PRUNE2: variants seen among roughly 807,000 people sequenced by gnomAD.
The protein encoded by PRUNE2 is protein prune homolog 2.
Under a neutral mutation model 252.0 loss-of-function variants are expected in PRUNE2, and 164 were observed. That is an observed-to-expected ratio of 0.65 (90% confidence interval 0.57 to 0.74). The LOEUF is 0.74. Ranked by LOEUF, PRUNE2 falls within the 30% of genes least tolerant of loss-of-function variation. The pLI is 0.00. For synonymous variants in PRUNE2, 1,292 were observed against 1,350.2 expected (o/e 0.96, Z 0.94); for missense variants, 3,495 against 3,711.0 (o/e 0.94, Z 1.51).
intron 6 of PRUNE2, among the ~76,000 whole-genome samples, chr9:76,822,364 T>C (rs1359884345): frequency 1.3e-5 from 2 of 152,198 alleles, no homozygotes; most frequent in African/African-American, 4.8e-5. Context: ...TGAATTATAA[T>C]GCGTATGAAC....
At chr9:76,760,480 C>G (rs554557816) in intron 6 of PRUNE2, among the ~76,000 whole-genome samples, 1 of 152,178 alleles carries the variant, frequency 6.6e-6, no homozygotes, top group East Asian at 1.9e-4. Context: ...TTAATAATTC[C>G]AGGTCACATG....
chr9:76,769,671 C>T (rs1189812450), intron 6 of PRUNE2, among the ~76,000 whole-genome samples: 1 of 152,202 alleles, frequency 6.6e-6, no homozygotes, highest in Non-Finnish European at 1.5e-5. Flanking sequence ...GTGATCCGCC[C>T]GCCTCAGGCT....
At chr9:76,663,428 G>T (rs1054121491) in intron 9 of PRUNE2, among the ~76,000 whole-genome samples, 1 of 152,064 alleles carries the variant, frequency 6.6e-6, no homozygotes, top group Non-Finnish European at 1.5e-5. Context: ...TAGGGAATGT[G>T]CAAAACTGCA....
Position 76,694,577 on chromosome 9 carries a change from T to C in PRUNE2, c.8276+8760A>G, listed in dbSNP as rs570483657. 3.9e-5 allele frequency among the ~76,000 whole-genome samples: 6 copies of C among 152,326 alleles called. No individual in the cohort carries two copies. The South Asian group carries it at 8.3e-4, about 21-fold the overall frequency. ...TGTCATCAGGCCAATCATAGATACCTTAAAAACATTTTAAGTAATACTTCA... is the reference window on the plus strand; with the variant it reads ...TGTCATCAGGCCAATCATAGATACCCTAAAAACATTTTAAGTAATACTTCA... On this transcript the variant is annotated intron_variant, in intron 9 of 18. Transcript: ENST00000376718.
At chr9:76,856,356 C>CCCCCAAAGCTGACCTATTTGCTT (rs2060250468) in intron 1 of PRUNE2, 1 of 152,150 alleles carries the variant, frequency 6.6e-6, no homozygotes, top group African/African-American at 2.4e-5. Context: ...ATCAAAATTA[C>CCCCCAAAGCTGACCTATTTGCTT]CCCCAAAGCT....
At chr9:76,773,365 T>G (rs1380091536) in intron 6 of PRUNE2, among the ~76,000 whole-genome samples, 1 of 152,160 alleles carries the variant, frequency 6.6e-6, no homozygotes, top group African/African-American at 2.4e-5. Context: ...CGGACAATCT[T>G]TTCTTTATTC....
At chr9:76,749,944 T>C (rs2050467175) in intron 6 of PRUNE2, among the ~76,000 whole-genome samples, 1 of 152,192 alleles carries the variant, frequency 6.6e-6, no homozygotes, top group African/African-American at 2.4e-5. Context: ...ACAGTATTCC[T>C]ACATCCCTTA....
At chr9:76,864,559 T>A (rs150259427) in intron 1 of PRUNE2, among the ~76,000 whole-genome samples, 1 of 152,082 alleles carries the variant, frequency 6.6e-6, no homozygotes, top group Non-Finnish European at 1.5e-5. Flanking sequence ...GGTAGGACAA[T>A]AGCACCAAAA....
intron 6 of PRUNE2, among the ~76,000 whole-genome samples, chr9:76,751,817 A>C (rs975729708): frequency 4.6e-5 from 7 of 152,236 alleles, no homozygotes; most frequent in African/African-American, 1.7e-4. Flanking sequence ...TCTTTACCAA[A>C]GTCTAAGTCA....
rs1469997343 is a variant in PRUNE2, at chr9:76,713,263, T to C, written c.915+300A>G. Among the ~76,000 whole-genome samples the C allele has an allele frequency of 4.6e-5, 7 of 152,270 alleles. No homozygotes were observed. The East Asian group carries it at 1.4e-3, about 29-fold the overall frequency. On this transcript the variant is annotated intron_variant, in intron 7 of 18. Transcript: ENST00000376718. ...GACAGGGGCTAAACCTTGTCAGTTA[T>C]GATCAGGGAGCAGTCCTAGAAGAAA...
intron 6 of PRUNE2, among the ~76,000 whole-genome samples, chr9:76,783,135 TTTTG>T (rs2054601380): frequency 6.6e-6 from 1 of 151,900 alleles, no homozygotes; most frequent in Non-Finnish European, 1.5e-5. Flanking sequence ...CTATGCCTTT[TTTTG>T]TTTGTTTGTT....
Position 76,696,617 on chromosome 9 carries a change from G to A in PRUNE2, c.8276+6720C>T, listed in dbSNP as rs1166046878. Among the ~76,000 whole-genome samples the A allele has an allele frequency of 2.0e-5, 3 of 152,282 alleles. No individual in the cohort carries two copies. The East Asian group carries it at 5.8e-4, about 29-fold the overall frequency. ...ATTTTTGTATTTTTAGTAGAGACGG[G>A]GTTTCTCCATGTTGGCCAGGATGGT... On this transcript the variant is annotated intron_variant, in intron 9 of 18. Coordinates refer to ENST00000376718, the MANE Select transcript of PRUNE2 (RefSeq NM_015225.3).
intron 6 of PRUNE2, among the ~76,000 whole-genome samples, chr9:76,721,279 A>G (rs2047626369): frequency 1.3e-5 from 2 of 152,164 alleles, no homozygotes; most frequent in African/African-American, 2.4e-5. Context: ...ATCACAATGA[A>G]TAGTCTTTTT....
At chr9:76,678,965 T>G (rs1312072887) in intron 9 of PRUNE2, among the ~76,000 whole-genome samples, 1 of 152,254 alleles carries the variant, frequency 6.6e-6, no homozygotes, top group East Asian at 1.9e-4. Context: ...AAGAATCTAG[T>G]AAATGCAGCC....
chr9:76,842,343 T>C (rs2059436798), intron 4 of PRUNE2, among the ~76,000 whole-genome samples: 1 of 152,188 alleles, frequency 6.6e-6, no homozygotes, highest in Non-Finnish European at 1.5e-5. Flanking sequence ...TAACTCAAGA[T>C]GGATTAAAGA....
At chr9:76,617,861 G>A (rs953288271) in intron 18 of PRUNE2, among the ~76,000 whole-genome samples, 1 of 152,226 alleles carries the variant, frequency 6.6e-6, no homozygotes, top group Admixed American at 6.5e-5. Flanking sequence ...GCTTCCACAT[G>A]TGCCCTCTCT....
chr9:76,704,177 T>C (rs1388905091), intron 8 of PRUNE2, 78 bp from the exon 9 acceptor site: 4 of 884,842 alleles, frequency 4.5e-6, no homozygotes, highest in Non-Finnish European at 6.5e-6. Flanking sequence ...TCCTTGCAAA[T>C]GATCATCTAA....
At chr9:76,698,168 T>C (rs558281929) in intron 9 of PRUNE2, among the ~76,000 whole-genome samples, 7 of 151,634 alleles carry the variant, frequency 4.6e-5, no homozygotes, top group African/African-American at 1.7e-4. Context: ...TGCCTCAGCC[T>C]CCCGAGTAGC....
At chr9:76,754,915 G>A (rs1206523935) in intron 6 of PRUNE2, among the ~76,000 whole-genome samples, 3 of 134,908 alleles carry the variant, frequency 2.2e-5, no homozygotes, top group East Asian at 2.2e-4. Flanking sequence ...GCAGTGAGCC[G>A]AGATTGTGGC....
Sources: allele counts gnomAD v4.1 joint callset (sites outside exome capture counted in the v4.1 genomes callset), GRCh38; gene constraint gnomAD v4.1.1; transcripts MANE v1.5; gene names NCBI Gene and HGNC (gene_info 2026-07-23, HGNC 2026-07-21).